The following PCNX1 variants were observed in gnomAD, a reference collection of about 807,000 sequenced individuals.
PCNX1 encodes the protein pecanex-like protein 1.
In PCNX1, 78 loss-of-function variants were observed where a neutral mutation model predicts 242.2. That is an observed-to-expected ratio of 0.32 (90% confidence interval 0.27 to 0.39). The LOEUF (loss-of-function observed/expected upper bound fraction) is 0.39, where lower values mean the gene tolerates loss of function less well. PCNX1 is among the 10% of genes least tolerant of loss of function. PCNX1 has a pLI of 1.00. For missense variants in PCNX1, 2,581 were observed against 2,856.5 expected (o/e 0.90, Z 2.20); for synonymous variants, 1,024 against 1,032.9 (o/e 0.99, Z 0.17).
In PCNX1 at chr14:71,097,260, T is replaced by C. The variant is rs187707244; in HGVS notation, c.5590-4730T>C. Among the ~76,000 whole-genome samples, 21 of 152,370 alleles carry C rather than the reference T, an allele frequency of 1.4e-4. No homozygotes were observed. In the East Asian group the frequency reaches 3.9e-3, roughly 28 times the overall value. Reference sequence around the variant, plus strand: ...TCTGCATCTTTGCTATTGTTGATAGTGTTGCAATGAACGTAAGAATGTATG... The same window carrying C: ...TCTGCATCTTTGCTATTGTTGATAGCGTTGCAATGAACGTAAGAATGTATG... On this transcript the variant is annotated intron_variant, in intron 30 of 35. Coordinates refer to ENST00000304743, the MANE Select transcript of PCNX1 (RefSeq NM_014982.3).
intron 1 of PCNX1, among the ~76,000 whole-genome samples, chr14:70,943,926 T>C (rs1475484989): frequency 6.6e-6 from 1 of 152,230 alleles, no homozygotes. Context: ...CATGTGGTGT[T>C]GGTCCTGTGG....
chr14:71,076,086 A>G (rs74353177), intron 27 of PCNX1, 103 bp from the exon 28 acceptor site: 8,132 of 703,606 alleles, frequency 0.012, 76 homozygotes, highest in East Asian at 0.015. Context: ...GTGTTTTACT[A>G]TTTATCATTA....
At chr14:70,951,812 T>G (rs2057792451) in intron 2 of PCNX1, among the ~76,000 whole-genome samples, 1 of 152,198 alleles carries the variant, frequency 6.6e-6, no homozygotes, top group Non-Finnish European at 1.5e-5. Flanking sequence ...ACTTTTAAAA[T>G]AGGGATATAG....
intron 5 of PCNX1, among the ~76,000 whole-genome samples, chr14:70,973,104 A>G (rs989960023): frequency 6.6e-6 from 1 of 151,904 alleles, no homozygotes; most frequent in Non-Finnish European, 1.5e-5. Flanking sequence ...AATACAAAAA[A>G]TTACCTGGGT....
Position 71,050,717 on chromosome 14 carries a change from G to C in PCNX1, c.4404G>C (p.Trp1468Cys). The C allele has an allele frequency of 6.2e-7, 1 of 1,613,470 alleles. No homozygotes were observed. The highest frequency in any genetic ancestry group is 1.1e-5 in the South Asian group (1 of 91,040). ...ATATTGCCCCATGGCAGATCACATG[G>C]GGTTCTGCTTTCCATGCTTTTGCTC... Reference protein sequence around the residue: ...YTYIAPWQITWGSAFHAFAQP... With the variant: ...YTYIAPWQITCGSAFHAFAQP... Residue 1468 changes from tryptophan (W) to cysteine (C), a missense_variant, in exon 23 of 36, where the codon TGG becomes TGC. Physicochemically the swap from Trp to Cys is radical, Grantham distance 215. This residue lies in a region of PCNX1 where 99 missense variants were observed against 147.3 expected (regional missense o/e 0.67). Coordinates refer to ENST00000304743, the MANE Select transcript of PCNX1 (RefSeq NM_014982.3).
At chr14:71,105,962 T>G (rs1010859812) in intron 33 of PCNX1, among the ~76,000 whole-genome samples, 15 of 149,724 alleles carry the variant, frequency 1.0e-4, no homozygotes, top group African/African-American at 3.6e-4. Context: ...TAATTCAACA[T>G]AAACATTTTA....
At chr14:70,927,572 TTTTATTTATTTA>T (rs61306962) in intron 1 of PCNX1, among the ~76,000 whole-genome samples, 2 of 151,714 alleles carry the variant, frequency 1.3e-5, no homozygotes, top group Non-Finnish European at 2.9e-5. Context: ...ATTCTCTCTC[TTTTATTTATTTA>T]TTTATTTATT....
intron 2 of PCNX1, among the ~76,000 whole-genome samples, chr14:70,954,129 T>C (rs2057899841): frequency 6.6e-6 from 1 of 152,252 alleles, no homozygotes; most frequent in African/African-American, 2.4e-5. Flanking sequence ...TTTTTCTTTA[T>C]GAATCTCTGA....
At position 71,083,383 on chromosome 14, in the gene PCNX1, A is replaced by ACCGGTGTTC. The variant is rs879464271; in HGVS notation, c.5338-4947_5338-4946insCCGGTGTTC. 8.9e-3 allele frequency among the ~76,000 whole-genome samples: 1,355 copies of ACCGGTGTTC among 152,082 alleles called. 8 individuals carry two copies. Among genetic ancestry groups the ACCGGTGTTC allele is most frequent in the South Asian group, 0.017 (82 of 4,814 alleles). ...TTGTGGTGTTCTCTGTATTTCCTGA[A>ACCGGTGTTC]TCTGAATGTTGGCCTGTCTTGCTAG... On this transcript the variant is annotated intron_variant, in intron 28 of 35. Coordinates refer to ENST00000304743, the MANE Select transcript of PCNX1 (RefSeq NM_014982.3).
At chr14:70,992,289 G>T (rs1355571534) in intron 7 of PCNX1, among the ~76,000 whole-genome samples, 1 of 152,064 alleles carries the variant, frequency 6.6e-6, no homozygotes, top group Non-Finnish European at 1.5e-5. Context: ...AAACGCTTTA[G>T]TGTATTCTTA....
intron 1 of PCNX1, among the ~76,000 whole-genome samples, chr14:70,931,511 C>A (rs533885859): frequency 3.3e-5 from 5 of 149,674 alleles, no homozygotes; most frequent in East Asian, 2.0e-4. Context: ...ATGGAACTTA[C>A]AATTTACGAT....
At chr14:71,043,999 A>T (rs888131721) in intron 19 of PCNX1, among the ~76,000 whole-genome samples, 1 of 152,098 alleles carries the variant, frequency 6.6e-6, no homozygotes, top group African/African-American at 2.4e-5. Flanking sequence ...TTTCCTTTAG[A>T]TATATCTATA....
Position 70,977,977 on chromosome 14 carries a change from C to G in PCNX1, c.1640C>G (p.Ser547Cys). Residue 547 changes from serine (S) to cysteine (C), a missense_variant, in exon 6 of 36, where the codon TCT (serine) becomes TGT (cysteine). Coordinates refer to ENST00000304743, the MANE Select transcript of PCNX1 (RefSeq NM_014982.3). Reference protein sequence around the residue: ...QKEGDVRPKSSSVIHRTASAH... With the variant: ...QKEGDVRPKSCSVIHRTASAH... ...GAAGGGGATGTTCGACCTAAATCTTCTAGCGTAATCCATCGGACAGCTTCT... is the reference window on the plus strand; with the variant it reads ...GAAGGGGATGTTCGACCTAAATCTTGTAGCGTAATCCATCGGACAGCTTCT... The G allele has an allele frequency of 1.2e-6, 2 of 1,614,140 alleles. No individual in the cohort carries two copies. Among genetic ancestry groups the G allele is most frequent in the Non-Finnish European group, 1.7e-6 (2 of 1,180,012 alleles).
intron 27 of PCNX1, among the ~76,000 whole-genome samples, chr14:71,075,663 G>A (rs193143228): frequency 1.3e-3 from 204 of 152,240 alleles, no homozygotes; most frequent in African/African-American, 4.6e-3. Flanking sequence ...TTGGGAGGCC[G>A]AGGCGGATGG....
chr14:71,089,531 C>T lies in PCNX1; in HGVS notation c.5589+189C>T, dbSNP rs537868135. Among the ~76,000 whole-genome samples the T allele has an allele frequency of 1.6e-4, 24 of 149,426 alleles. No homozygotes were observed. The South Asian group carries it at 4.1e-3, about 25-fold the overall frequency. On this transcript the variant is annotated intron_variant, in intron 30 of 35. Transcript: ENST00000304743. ...GGCCTCAGGAAACTTACAGTCATGGCGGAAGGGGAGGCAAACACATCCTTC... is the reference window on the plus strand; with the variant it reads ...GGCCTCAGGAAACTTACAGTCATGGTGGAAGGGGAGGCAAACACATCCTTC...
intron 2 of PCNX1, among the ~76,000 whole-genome samples, chr14:70,957,818 G>GTGTA (rs543772185): frequency 3.7e-4 from 54 of 146,506 alleles, no homozygotes; most frequent in African/African-American, 1.3e-3. Flanking sequence ...ATATGTGTGT[G>GTGTA]TGTATGTATG....
At chr14:71,091,326 A>T (rs2062123696) in intron 30 of PCNX1, among the ~76,000 whole-genome samples, 1 of 152,214 alleles carries the variant, frequency 6.6e-6, no homozygotes, top group South Asian at 2.1e-4. Context: ...ATGAAAATCC[A>T]TAAAAGTGGA....
rs777740677 is a variant in PCNX1, at chr14:71,047,923, A to G, written c.4277A>G (p.Tyr1426Cys). 50 of 1,613,218 alleles carry G rather than the reference A, an allele frequency of 3.1e-5. No homozygotes were observed. The highest frequency in any genetic ancestry group is 1.6e-4 in the Middle Eastern group (1 of 6,064). Residue 1426 changes from tyrosine to cysteine, a missense_variant, in exon 22 of 36, where the codon TAT (tyrosine) becomes TGT (cysteine). Coordinates refer to ENST00000304743, the MANE Select transcript of PCNX1 (RefSeq NM_014982.3). ...IFTVLFFKFD[Y>C]EAFSETMLLD... ...ACTGTGCTGTTTTTCAAATTTGACT[A>G]TGAAGCTTTTTCAGAGACCATGCTG...
At chr14:71,041,463 C>CT (rs1226394114) in intron 19 of PCNX1, among the ~76,000 whole-genome samples, 2 of 152,090 alleles carry the variant, frequency 1.3e-5, no homozygotes, top group Non-Finnish European at 2.9e-5. Flanking sequence ...TCCATTTTCT[C>CT]TAGATTTTCC....
Sources: allele counts gnomAD v4.1 joint callset (sites outside exome capture counted in the v4.1 genomes callset), GRCh38; gene constraint gnomAD v4.1.1; regional missense constraint gnomAD v4.1.1; transcripts MANE v1.5; gene names NCBI Gene and HGNC (gene_info 2026-07-23, HGNC 2026-07-21).